The following STT3A variants were observed in gnomAD, a reference collection of about 807,000 sequenced individuals.
STT3A encodes STT3 oligosaccharyltransferase complex catalytic subunit A, also known as dolichyl-diphosphooligosaccharide--protein glycosyltransferase subunit STT3A.
A neutral mutation model predicts 89.2 loss-of-function variants in STT3A; 34 were observed. The ratio of observed to expected loss-of-function variants is 0.38; its 90% confidence interval spans 0.29 to 0.51. The LOEUF (loss-of-function observed/expected upper bound fraction) is 0.51. Ranked by LOEUF, STT3A falls within the 20% of genes least tolerant of loss-of-function variation. STT3A has a pLI of 0.89. For synonymous variants in STT3A, 282 were observed against 310.3 expected, an observed-to-expected ratio of 0.91 and a Z score of 0.96; for missense variants, 555 against 889.5, an observed-to-expected ratio of 0.62 and a Z score of 4.78.
chr11:125,612,949 G>A, intron 12 of STT3A, 40 bp from the exon 13 acceptor site: 1 of 1,605,812 alleles, frequency 6.2e-7, no homozygotes, highest in Middle Eastern at 1.7e-4. Context: ...TGTGAATTTA[G>A]TTTGGTTAAC....
chr11:125,592,584 G>A, upstream of STT3A: 1 of 435,716 alleles, frequency 2.3e-6, no homozygotes, highest in South Asian at 1.6e-5. Context: ...GTCACTCCTC[G>A]GCCCTCAACC....
Position 125,614,321 on chromosome 11 carries a change from C to T in STT3A, c.1672-3C>T, listed in dbSNP as rs767700968. On this transcript the variant is annotated splice_region_variant and splice_polypyrimidine_tract_variant and intron_variant, in intron 14 of 17. Transcript: ENST00000392708. This position sits in a 1 kb window ranked among gnomAD's most constrained non-coding sequence, Gnocchi z 4.9. The stretch of plus-strand genomic sequence containing the variant: ...TCTGAGAATTGTACATTTGTTTTTC[C>T]AGGCAATGGCGTCCACAGAGGAAAA... 15 of 1,613,816 alleles carry T rather than the reference C, an allele frequency of 9.3e-6. No individual in the cohort carries two copies. The African/African-American group carries it at 1.6e-4, about 17-fold the overall frequency.
At chr11:125,605,804 G>A (rs1378334998) in intron 7 of STT3A, 69 bp downstream of exon 7, 5 of 1,348,136 alleles carry the variant, frequency 3.7e-6, no homozygotes, top group Non-Finnish European at 5.1e-6. Context: ...GGTACTTATT[G>A]TTTGACCAAC....
chr11:125,619,999 A>G lies in STT3A; in HGVS notation c.1964-12A>G. On this transcript the variant is annotated splice_polypyrimidine_tract_variant and intron_variant, in intron 16 of 17. Coordinates refer to ENST00000392708, the MANE Select transcript of STT3A (RefSeq NM_152713.5). ...TGTAGAAAGAAGTGTGTTCTTTTTCATCCCTCTCTAGAGCGTCCTCCAGGC... is the reference window on the plus strand; with the variant it reads ...TGTAGAAAGAAGTGTGTTCTTTTTCGTCCCTCTCTAGAGCGTCCTCCAGGC... 1 of 1,610,394 alleles carries G rather than the reference A, an allele frequency of 6.2e-7. No individual in the cohort carries two copies.
chr11:125,617,673 C>A (rs3781765), intron 15 of STT3A, among the ~76,000 whole-genome samples: 59,831 of 151,914 alleles, frequency 0.39, 12,200 homozygotes, highest in African/African-American at 0.5. Flanking sequence ...TCTCATATAC[C>A]TGCTTTGGAG....
At chr11:125,596,087 G>T in intron 2 of STT3A, 84 bp downstream of exon 2, 2 of 1,034,852 alleles carry the variant, frequency 1.9e-6, no homozygotes, top group Non-Finnish European at 2.9e-6. Context: ...ATCTTAAAAT[G>T]CCTTGTTCTT....
chr11:125,598,309 TG>T (rs1175307605), intron 3 of STT3A, among the ~76,000 whole-genome samples: 1 of 152,146 alleles, frequency 6.6e-6, no homozygotes, highest in African/African-American at 2.4e-5. Context: ...GTGATTTGAA[TG>T]TTGGTTTGTC....
Position 125,609,421 on chromosome 11 carries a change from T to C in STT3A, c.962-13T>C. 6.3e-7 allele frequency: 1 copy of C among 1,595,152 alleles called. No individual in the cohort carries two copies. The highest frequency in any genetic ancestry group is 8.5e-7 in the Non-Finnish European group (1 of 1,172,380). ...GAGTGTGTGTGGAATATTTATTGCC[T>C]CTTTGCTGCTAGGAAAAATATCTCC... On this transcript the variant is annotated splice_polypyrimidine_tract_variant and intron_variant, in intron 9 of 17. Coordinates refer to ENST00000392708, the MANE Select transcript of STT3A (RefSeq NM_152713.5).
chr11:125,598,752 G>A (rs750010306), intron 3 of STT3A, among the ~76,000 whole-genome samples: 2 of 152,108 alleles, frequency 1.3e-5, no homozygotes, highest in Non-Finnish European at 2.9e-5. Flanking sequence ...CCACAGGCAT[G>A]TGCCACCATA....
chr11:125,619,593 T>A (rs1940286669), intron 16 of STT3A, among the ~76,000 whole-genome samples: 5 of 152,322 alleles, frequency 3.3e-5, no homozygotes, highest in Non-Finnish European at 7.4e-5. Context: ...TTTGATTAGG[T>A]TAAGTCTCTC....
intron 3 of STT3A, among the ~76,000 whole-genome samples, chr11:125,600,176 A>C (rs1175009791): frequency 6.7e-6 from 1 of 150,224 alleles, no homozygotes; most frequent in Admixed American, 6.6e-5. Context: ...TCAGCCTCCT[A>C]AGTAGCTAGG....
At chr11:125,605,842 T>C (rs559527045) in intron 7 of STT3A, 107 bp downstream of exon 7, 954 of 938,898 alleles carry the variant, frequency 1.0e-3, no homozygotes, top group Middle Eastern at 1.7e-3. Flanking sequence ...TCCCCTAAAT[T>C]TTTTTCTTTT....
At chr11:125,596,747 G>A (rs757004004) in intron 2 of STT3A, among the ~76,000 whole-genome samples, 1 of 152,080 alleles carries the variant, frequency 6.6e-6, no homozygotes, top group Admixed American at 6.6e-5. Context: ...GTGTATGGTG[G>A]GGGAGTCAGC....
chr11:125,615,035 G>T (rs1301628849), intron 15 of STT3A, among the ~76,000 whole-genome samples: 1 of 152,046 alleles, frequency 6.6e-6, no homozygotes, highest in African/African-American at 2.4e-5. Flanking sequence ...CAGCACTTTG[G>T]GAGGCCAAGG....
chr11:125,621,447 G>T lies in STT3A; in HGVS notation c.*637G>T, dbSNP rs553764477. ...TAAATCAGCAGTTTTGAAGACTCAAGACAAACAGTGAAATTATTGGTTTAT... is the reference window on the plus strand; with the variant it reads ...TAAATCAGCAGTTTTGAAGACTCAATACAAACAGTGAAATTATTGGTTTAT... On this transcript the variant is annotated 3_prime_UTR_variant, in exon 18 of 18. Coordinates refer to ENST00000392708, the MANE Select transcript of STT3A (RefSeq NM_152713.5). 3 of 152,280 alleles carry T rather than the reference G, an allele frequency of 2.0e-5. No homozygotes were observed. Among genetic ancestry groups the T allele is most frequent in the Admixed American group, 6.5e-5 (1 of 15,290 alleles). 9.4% of individuals were successfully genotyped at this position (152,280 alleles called of 1,614,324 possible).
In STT3A at chr11:125,602,210, A is replaced by C. The variant is rs1939704000; in HGVS notation, c.150-93A>C. 9 of 1,448,062 alleles carry C rather than the reference A, an allele frequency of 6.2e-6. No individual in the cohort carries two copies. The East Asian group carries it at 1.6e-4, about 26-fold the overall frequency. The allele number at this position is 1,448,062 out of a possible 1,614,324, so 89.7% of individuals were successfully genotyped here. On this transcript the variant is annotated intron_variant, in intron 3 of 17. Coordinates refer to ENST00000392708, the MANE Select transcript of STT3A (RefSeq NM_152713.5). ...TGGCATAATATCTGATGTTAAACTG[A>C]TTTTTCATTGAGTAATGCTGAATTT...
At position 125,609,707 on chromosome 11, in the gene STT3A, C is replaced by G. The variant is rs1461860287; in HGVS notation, c.1117+118C>G. On this transcript the variant is annotated intron_variant, in intron 10 of 17. Coordinates refer to ENST00000392708, the MANE Select transcript of STT3A (RefSeq NM_152713.5). The stretch of plus-strand genomic sequence containing the variant: ...CTTTGCCTGTTTATGTTGTGTAATA[C>G]AGAGGACGGCTAAGCAAATTTTCTC... The G allele has an allele frequency of 2.3e-6, 3 of 1,310,732 alleles. No individual in the cohort carries two copies. The African/African-American group carries it at 4.5e-5, about 19-fold the overall frequency. The allele number at this position is 1,310,732 out of a possible 1,614,324, so 81.2% of individuals were successfully genotyped here. A position where few individuals can be genotyped will look rare whatever the true frequency, so the allele number is the denominator to read the frequency against.
At position 125,613,916 on chromosome 11, in the gene STT3A, G is replaced by T; in HGVS notation, c.1555-171G>T. On this transcript the variant is annotated intron_variant, in intron 13 of 17. Coordinates refer to ENST00000392708, the MANE Select transcript of STT3A (RefSeq NM_152713.5). The surrounding 1 kb of genome is among the most constrained non-coding windows in gnomAD (Gnocchi z 4.2). ...TGAGATTTTATAATTGTATATAAAT[G>T]GAAGACCAGGTGCCAGGATTTATTT... is the stretch of plus-strand genomic sequence containing the variant. 1.6e-6 allele frequency: 1 copy of T among 609,316 alleles called. No individual in the cohort carries two copies. The highest frequency in any genetic ancestry group is 3.0e-6 in the Non-Finnish European group (1 of 337,664). The allele number at this position is 609,316 out of a possible 1,614,324, so 37.7% of individuals were successfully genotyped here.
intron 3 of STT3A, among the ~76,000 whole-genome samples, chr11:125,597,940 A>G: frequency 6.6e-6 from 1 of 152,168 alleles, no homozygotes. Flanking sequence ...TCCACTGGGC[A>G]CGGTGGCTCA....
Sources: gnomAD v4.1 joint callset for allele counts (sites outside exome capture counted in the v4.1 genomes callset) on GRCh38, gnomAD v4.1.1 for gene constraint, Gnocchi (gnomAD v3.1) non-coding constraint, MANE v1.5 for transcripts, NCBI Gene and HGNC (gene_info 2026-07-23, HGNC 2026-07-21) for gene names.